NALF1: variants seen among roughly 807,000 people sequenced by gnomAD.
NALF1 encodes NALCN channel auxiliary factor 1, also known as family with sequence similarity 155 member A.
Under a neutral mutation model 48.4 loss-of-function variants are expected in NALF1, and 3 were observed. That is an observed-to-expected ratio of 0.06 (90% CI 0.03 to 0.16). NALF1 has a LOEUF of 0.16. Ranked by LOEUF, NALF1 falls within the 10% of genes least tolerant of loss-of-function variation. The pLI, the probability that NALF1 is intolerant of heterozygous loss-of-function variation, is 1.00. For missense variants in NALF1, 526 were observed against 571.5 expected (o/e 0.92, Z 0.81); for synonymous variants, 262 against 245.7 (o/e 1.07, Z -0.62).
chr13:107,857,849 T>C (rs1287369125), intron 1 of NALF1, among the ~76,000 whole-genome samples: 1 of 152,236 alleles, frequency 6.6e-6, no homozygotes, highest in East Asian at 1.9e-4. Flanking sequence ...TATATTAATT[T>C]TATTGATGTT....
intron 1 of NALF1, among the ~76,000 whole-genome samples, chr13:107,678,663 G>A (rs916619989): frequency 2.6e-5 from 4 of 152,202 alleles, no homozygotes; most frequent in Admixed American, 2.0e-4. Flanking sequence ...TGTGGCTGGG[G>A]AGAACTCAGG....
At chr13:107,850,071 A>G (rs1383340134) in intron 1 of NALF1, among the ~76,000 whole-genome samples, 1 of 152,224 alleles carries the variant, frequency 6.6e-6, no homozygotes, top group Non-Finnish European at 1.5e-5. Flanking sequence ...AAATTGTGTT[A>G]AAATGCCTTA....
chr13:107,616,212 T>C (rs1191434943), intron 1 of NALF1, among the ~76,000 whole-genome samples: 1 of 152,166 alleles, frequency 6.6e-6, no homozygotes, highest in Non-Finnish European at 1.5e-5. Context: ...AAAATGAAAA[T>C]GTAAATGTTA....
chr13:107,741,686 G>A (rs1318314506), intron 1 of NALF1, among the ~76,000 whole-genome samples: 1 of 152,180 alleles, frequency 6.6e-6, no homozygotes, highest in African/African-American at 2.4e-5. Context: ...ACACAACTCA[G>A]GAGCCAGGTC....
chr13:107,630,281 C>T (rs2138447888), intron 1 of NALF1, among the ~76,000 whole-genome samples: 1 of 152,308 alleles, frequency 6.6e-6, no homozygotes, highest in South Asian at 2.1e-4. Flanking sequence ...TTTGAATCCA[C>T]TGCACAATTC....
chr13:107,374,675 T>A (rs570019309), intron 1 of NALF1, among the ~76,000 whole-genome samples: 2 of 152,076 alleles, frequency 1.3e-5, no homozygotes, highest in Non-Finnish European at 2.9e-5. Context: ...AGAGCAACAG[T>A]GTTGGGAGGC....
chr13:107,717,199 A>C (rs1262023975), intron 1 of NALF1, among the ~76,000 whole-genome samples: 1 of 152,216 alleles, frequency 6.6e-6, no homozygotes, highest in Admixed American at 6.5e-5. Context: ...GAGAATAAAC[A>C]TGAGTAAAAT....
intron 1 of NALF1, among the ~76,000 whole-genome samples, chr13:107,338,103 A>T (rs1202027721): frequency 6.6e-6 from 1 of 152,178 alleles, no homozygotes; most frequent in Non-Finnish European, 1.5e-5. Flanking sequence ...CTTCGTGATG[A>T]CATCTTTTTA....
At chr13:107,639,550 G>A (rs1467035622) in intron 1 of NALF1, among the ~76,000 whole-genome samples, 1 of 150,906 alleles carries the variant, frequency 6.6e-6, no homozygotes, top group Non-Finnish European at 1.5e-5. Context: ...TGTACTAGCT[G>A]TTCCACTCCA....
chr13:107,585,673 G>C (rs1402754332), intron 1 of NALF1, among the ~76,000 whole-genome samples: 5 of 152,018 alleles, frequency 3.3e-5, no homozygotes, highest in Non-Finnish European at 7.4e-5. Flanking sequence ...CTGCTTGCTG[G>C]GGCCTCATAA....
At chr13:107,308,710 C>T (rs1881988950) in intron 1 of NALF1, among the ~76,000 whole-genome samples, 1 of 152,196 alleles carries the variant, frequency 6.6e-6, no homozygotes, top group Non-Finnish European at 1.5e-5. Flanking sequence ...AAAATATATT[C>T]AACCTCAACT....
intron 1 of NALF1, among the ~76,000 whole-genome samples, chr13:107,438,933 T>A (rs1007122921): frequency 1.3e-5 from 2 of 151,140 alleles, no homozygotes; most frequent in Non-Finnish European, 1.5e-5. Flanking sequence ...CTTAGATATA[T>A]CACAATCATT....
intron 1 of NALF1, among the ~76,000 whole-genome samples, chr13:107,575,257 C>G (rs780534071): frequency 7.9e-5 from 12 of 152,090 alleles, no homozygotes; most frequent in Non-Finnish European, 1.5e-4. Context: ...AAAAACAGAA[C>G]AGAATCTTAG....
intron 1 of NALF1, among the ~76,000 whole-genome samples, chr13:107,347,402 G>T (rs951999721): frequency 6.6e-6 from 1 of 152,190 alleles, no homozygotes. Context: ...AAGAGGACAG[G>T]TCTAAACTCT....
chr13:107,698,986 A>G (rs113073636), intron 1 of NALF1, among the ~76,000 whole-genome samples: 43 of 152,232 alleles, frequency 2.8e-4, no homozygotes, highest in African/African-American at 9.6e-4. Context: ...AACCACTTGT[A>G]TTTTTACAAG....
At chr13:107,612,520 T>C (rs960704813) in intron 1 of NALF1, among the ~76,000 whole-genome samples, 6 of 152,054 alleles carry the variant, frequency 3.9e-5, no homozygotes, top group African/African-American at 1.4e-4. Context: ...AGCACTGGTA[T>C]CGGGAGAATG....
chr13:107,800,987 G>A (rs1594276712), intron 1 of NALF1, among the ~76,000 whole-genome samples: 2 of 151,906 alleles, frequency 1.3e-5, no homozygotes, highest in South Asian at 2.1e-4. Context: ...TTCCTCAATC[G>A]CATTTCAAGG....
At chr13:107,765,189 T>C (rs987399892) in intron 1 of NALF1, among the ~76,000 whole-genome samples, 5 of 152,170 alleles carry the variant, frequency 3.3e-5, no homozygotes, top group East Asian at 1.9e-4. Context: ...GCCACAGAGA[T>C]ACTGAAATCT....
chr13:107,231,911 A>G (rs1447361196), intron 1 of NALF1, among the ~76,000 whole-genome samples: 3 of 152,204 alleles, frequency 2.0e-5, no homozygotes, highest in Non-Finnish European at 4.4e-5. Context: ...ATCTCATAAG[A>G]AAGTAGTCCA....
Sources: allele counts gnomAD v4.1 joint callset (sites outside exome capture counted in the v4.1 genomes callset), GRCh38; gene constraint gnomAD v4.1.1; transcripts MANE v1.5; gene names NCBI Gene and HGNC (gene_info 2026-07-23, HGNC 2026-07-21).